GLRA3: variants seen among roughly 807,000 people sequenced by gnomAD.
GLRA3 encodes glycine receptor alpha 3.
In GLRA3, 44 loss-of-function variants were observed where a neutral mutation model predicts 60.4. The ratio of observed to expected loss-of-function variants is 0.73; its 90% CI spans 0.57 to 0.94. The LOEUF (loss-of-function observed/expected upper bound fraction) is 0.94. GLRA3 is among the 40% of genes least tolerant of loss of function. The pLI is 0.00. For synonymous variants in GLRA3, 223 were observed against 192.9 expected (o/e 1.16, Z -1.29); for missense variants, 508 against 564.6 (o/e 0.90, Z 1.02).
chr4:174,640,507 T>G lies in GLRA3; in HGVS notation c.*3279A>C, dbSNP rs910529845. 1 of 152,046 alleles carries G rather than the reference T, an allele frequency of 6.6e-6. No individual in the cohort carries two copies. Among genetic ancestry groups the G allele is most frequent in the Non-Finnish European group, 1.5e-5 (1 of 67,964 alleles). 9.4% of individuals were successfully genotyped at this position (152,046 alleles called of 1,614,324 possible). ...GAAAAGCATATTTTAAAAAGTGGAA[T>G]AAAAAATGTTCAGAAAAAGGGATGT... On this transcript the variant is annotated 3_prime_UTR_variant, in exon 10 of 10. Coordinates refer to ENST00000274093, the MANE Select transcript of GLRA3 (RefSeq NM_006529.4).
intron 1 of GLRA3, among the ~76,000 whole-genome samples, chr4:174,820,900 C>CT (rs150447742): frequency 0.1 from 15,587 of 151,876 alleles, 1,010 homozygotes; most frequent in East Asian, 0.28. Context: ...AGCTGACAAT[C>CT]ATTTTTTTTT....
chr4:174,721,823 G>GTA (rs1231938737), intron 4 of GLRA3, among the ~76,000 whole-genome samples: 1 of 151,020 alleles, frequency 6.6e-6, no homozygotes, highest in Non-Finnish European at 1.5e-5. Context: ...ATATGTGTGT[G>GTA]TATATATATG....
intron 2 of GLRA3, among the ~76,000 whole-genome samples, chr4:174,779,186 A>AC (rs1395247220): frequency 2.0e-5 from 3 of 151,984 alleles, no homozygotes; most frequent in Non-Finnish European, 4.4e-5. Context: ...ACTGGGAGGC[A>AC]CCCCCCAGCA....
chr4:174,823,152 G>T (rs1010236056), intron 1 of GLRA3, among the ~76,000 whole-genome samples: 1 of 151,976 alleles, frequency 6.6e-6, no homozygotes, highest in African/African-American at 2.4e-5. Context: ...CCAGTTCTCT[G>T]GAGTTACTTG....
chr4:174,761,575 A>G (rs1369170974), intron 3 of GLRA3, among the ~76,000 whole-genome samples: 1 of 152,208 alleles, frequency 6.6e-6, no homozygotes, highest in Non-Finnish European at 1.5e-5. Context: ...TAATGGTTCA[A>G]TGTATAAATA....
chr4:174,734,126 A>C (rs530072715), intron 3 of GLRA3, among the ~76,000 whole-genome samples: 16 of 152,314 alleles, frequency 1.1e-4, no homozygotes, highest in African/African-American at 3.8e-4. Flanking sequence ...GTTTTAAAAA[A>C]TCCTAATCAG....
At chr4:174,681,455 T>C (rs1734338247) in intron 6 of GLRA3, among the ~76,000 whole-genome samples, 2 of 152,068 alleles carry the variant, frequency 1.3e-5, no homozygotes, top group Admixed American at 6.5e-5. Context: ...AAATCCAACA[T>C]TACTTATGTC....
At chr4:174,726,216 A>G (rs914373904) in intron 4 of GLRA3, among the ~76,000 whole-genome samples, 1 of 152,204 alleles carries the variant, frequency 6.6e-6, no homozygotes, top group East Asian at 1.9e-4. Context: ...CTGCAGGGAA[A>G]GGGAGGAATT....
rs915217485 is a variant in GLRA3, at chr4:174,643,802, T to C, written c.1379A>G (p.His460Arg). The C allele has an allele frequency of 3.7e-6, 6 of 1,612,556 alleles. No homozygotes were observed. Among genetic ancestry groups the C allele is most frequent in the Admixed American group, 1.7e-5 (1 of 59,852 alleles). ...IYKILRHEDI[H>R]QQQD is the part of the protein sequence containing the mutation. ...CCCAGAGACTTAATCTTGCTGCTGA[T>C]GAATATCCTCATGCCTAAGAATTTT... is the stretch of plus-strand genomic sequence containing the variant. The change falls in exon 10 of 10, where the codon CAT becomes CGT. Residue 460 changes from histidine to arginine, a missense_variant. Coordinates refer to ENST00000274093, the MANE Select transcript of GLRA3 (RefSeq NM_006529.4).
At chr4:174,696,566 T>A (rs1735062030) in intron 5 of GLRA3, among the ~76,000 whole-genome samples, 1 of 151,126 alleles carries the variant, frequency 6.6e-6, no homozygotes, top group Admixed American at 6.6e-5. Context: ...ACAGCAATGG[T>A]TACTAAGTAT....
At chr4:174,805,228 G>T (rs2111352084) in intron 1 of GLRA3, among the ~76,000 whole-genome samples, 1 of 152,232 alleles carries the variant, frequency 6.6e-6, no homozygotes, top group Middle Eastern at 3.4e-3. Context: ...ATTAGGATGA[G>T]TGTGGTGGCT....
At chr4:174,699,784 T>G (rs1735226579) in intron 5 of GLRA3, among the ~76,000 whole-genome samples, 1 of 144,484 alleles carries the variant, frequency 6.9e-6, no homozygotes, top group Admixed American at 7.2e-5. Context: ...TGTTAAATAT[T>G]TAACATTATT....
At chr4:174,726,843 G>T (rs906667220) in intron 4 of GLRA3, among the ~76,000 whole-genome samples, 1 of 152,046 alleles carries the variant, frequency 6.6e-6, no homozygotes, top group African/African-American at 2.4e-5. Flanking sequence ...TTTAGTGGTG[G>T]GGCGGGGTTG....
chr4:174,792,987 C>T (rs757425354), intron 1 of GLRA3, among the ~76,000 whole-genome samples: 11 of 152,110 alleles, frequency 7.2e-5, no homozygotes, highest in Non-Finnish European at 1.5e-4. Context: ...ATTATAATGC[C>T]ACAAATCCCA....
At chr4:174,677,029 A>G (rs1481477156) in intron 7 of GLRA3, 49 bp downstream of exon 7, 2 of 1,132,240 alleles carry the variant, frequency 1.8e-6, no homozygotes, top group South Asian at 2.5e-5. Flanking sequence ...TCTTTGCAAG[A>G]TTTATAAGTG....
chr4:174,713,968 A>G (rs2111090171), intron 5 of GLRA3, among the ~76,000 whole-genome samples: 1 of 152,234 alleles, frequency 6.6e-6, no homozygotes, highest in African/African-American at 2.4e-5. Context: ...TTCTTCATCA[A>G]TGCTTCTAAT....
chr4:174,778,780 G>A (rs1012648287), intron 2 of GLRA3, among the ~76,000 whole-genome samples: 12 of 152,188 alleles, frequency 7.9e-5, no homozygotes, highest in Non-Finnish European at 1.5e-4. Context: ...AAAAAACGGC[G>A]CACCACGAGG....
Position 174,669,058 on chromosome 4 carries a change from T to C in GLRA3, c.927+8020A>G, listed in dbSNP as rs79590319. ...TGAGATATGCCGAAAATGTCTCTGCTTGTGTTATGCCTTGTTTTGTGAGGT... is the reference window on the plus strand; with the variant it reads ...TGAGATATGCCGAAAATGTCTCTGCCTGTGTTATGCCTTGTTTTGTGAGGT... On this transcript the variant is annotated intron_variant, in intron 7 of 9. Transcript: ENST00000274093. Among the ~76,000 whole-genome samples the C allele has an allele frequency of 4.2e-4, 64 of 152,102 alleles. No homozygotes were observed. The East Asian group carries it at 0.011, about 25-fold the overall frequency.
In GLRA3 at chr4:174,795,904, T is replaced by C. The variant is rs192404269; in HGVS notation, c.72-6961A>G. Reference sequence around the variant, plus strand: ...TAATACGGTGTGAGCAAAATCCTTATGTTTTGTAACAGGAATCAAAACCAA... The same window carrying C: ...TAATACGGTGTGAGCAAAATCCTTACGTTTTGTAACAGGAATCAAAACCAA... On this transcript the variant is annotated intron_variant, in intron 1 of 9. Coordinates refer to ENST00000274093, the MANE Select transcript of GLRA3 (RefSeq NM_006529.4). 5.2e-3 allele frequency among the ~76,000 whole-genome samples: 689 copies of C among 131,718 alleles called. 3 individuals carry two copies. The highest frequency in any genetic ancestry group is 0.022 in the African/African-American group (666 of 29,956). 86.4% of individuals were successfully genotyped at this position (131,718 alleles called of 152,430 possible).
Sources: gnomAD v4.1 joint callset for allele counts (sites outside exome capture counted in the v4.1 genomes callset) on GRCh38, gnomAD v4.1.1 for gene constraint, MANE v1.5 for transcripts, NCBI Gene and HGNC (gene_info 2026-07-23, HGNC 2026-07-21) for gene names.